The following KIF27 variants were observed in gnomAD, a reference collection of about 807,000 sequenced individuals.
The protein encoded by KIF27 is kinesin-like protein KIF27.
Under a neutral mutation model 141.8 loss-of-function variants are expected in KIF27, and 84 were observed. The ratio of observed to expected loss-of-function variants is 0.59; its 90% confidence interval spans 0.50 to 0.71. The LOEUF (loss-of-function observed/expected upper bound fraction) is 0.71. KIF27 is among the 30% of genes least tolerant of loss of function. The pLI is 0.00. For synonymous variants in KIF27, 471 were observed against 569.5 expected, an observed-to-expected ratio of 0.83 and a Z score of 2.46; for missense variants, 1,306 against 1,628.4, an observed-to-expected ratio of 0.80 and a Z score of 3.41.
intron 3 of KIF27, among the ~76,000 whole-genome samples, 173 bp downstream of exon 3, chr9:83,908,279 A>G (rs866017303): frequency 3.8e-4 from 57 of 151,720 alleles, no homozygotes; most frequent in Non-Finnish European, 5.2e-4. Context: ...AAAAAAAAAA[A>G]AGAGAGAGAG....
At chr9:83,864,714 A>G (rs1950213469) in intron 13 of KIF27, among the ~76,000 whole-genome samples, 1 of 152,180 alleles carries the variant, frequency 6.6e-6, no homozygotes, top group African/African-American at 2.4e-5. Context: ...GCTGAGTTCA[A>G]TTCCTGGATA....
chr9:83,854,882 A>G (rs1213455792), intron 14 of KIF27, among the ~76,000 whole-genome samples: 1 of 152,214 alleles, frequency 6.6e-6, no homozygotes, highest in Non-Finnish European at 1.5e-5. Flanking sequence ...CTTATTGCCT[A>G]GCACAGTACC....
rs1946406946 is a variant in KIF27 at position 83,840,247 on chromosome 9, T to C, written c.3721+1990A>G. ...GATTATAACTGATTTGTTTTCTTCA[T>C]TTTCAGATTTTTCTATAATGACTAT... On this transcript the variant is annotated intron_variant, in intron 17 of 17. Transcript: ENST00000297814. Among the ~76,000 whole-genome samples, 2 of 152,216 alleles carry C rather than the reference T, an allele frequency of 1.3e-5. 1 individual carries two copies. The highest frequency in any genetic ancestry group is 4.1e-4 in the South Asian group (2 of 4,832).
rs1369684323 is a variant in KIF27 at position 83,842,501 on chromosome 9, C to T, written c.3557-100G>A. The stretch of plus-strand genomic sequence containing the variant: ...TTTTTGAGACGGAGTCTCGCACTGT[C>T]GCCCAGGCTAGAGTGCAGTGGCGTG... On this transcript the variant is annotated intron_variant, in intron 16 of 17. Coordinates refer to ENST00000297814, the MANE Select transcript of KIF27 (RefSeq NM_017576.4). 1.8e-5 allele frequency: 25 copies of T among 1,384,154 alleles called. No individual in the cohort carries two copies. The South Asian group carries it at 3.6e-4, about 20-fold the overall frequency. The allele number at this position is 1,384,154 out of a possible 1,614,324, so 85.7% of individuals were successfully genotyped here.
Position 83,915,604 on chromosome 9 carries a change from T to G in KIF27, c.-13A>C. ...GTATTTCTTCCATGGCAACTTAGATTTTACTAAATAGATTTTCTATTTAAT... is the reference window on the plus strand; with the variant it reads ...GTATTTCTTCCATGGCAACTTAGATGTTACTAAATAGATTTTCTATTTAAT... On this transcript the variant is annotated 5_prime_UTR_variant, in exon 2 of 18. Coordinates refer to ENST00000297814, the MANE Select transcript of KIF27 (RefSeq NM_017576.4). 6.3e-7 allele frequency: 1 copy of G among 1,575,270 alleles called. No homozygotes were observed. Among genetic ancestry groups the G allele is most frequent in the Non-Finnish European group, 8.6e-7 (1 of 1,163,092 alleles).
In KIF27 at chr9:83,850,485, T is replaced by G. The variant is rs112451462; in HGVS notation, c.3358-188A>C. On this transcript the variant is annotated intron_variant, in intron 15 of 17. Transcript: ENST00000297814. ...AAAACAACCTAACAGCCTTTTGAAT[T>G]TGTTGGAGTTCAGGCCAGGCACAGT... 6.6e-5 allele frequency among the ~76,000 whole-genome samples: 10 copies of G among 152,196 alleles called. 1 individual carries two copies. The highest frequency in any genetic ancestry group is 2.4e-4 in the African/African-American group (10 of 41,516).
chr9:83,896,694 TTGAA>T (rs1563974894), intron 5 of KIF27, among the ~76,000 whole-genome samples: 2 of 152,330 alleles, frequency 1.3e-5, no homozygotes, highest in African/African-American at 4.8e-5. Flanking sequence ...ACCAACTTGA[TTGAA>T]TCTTTCTATA....
At chr9:83,887,468 C>T (rs1442537619) in intron 8 of KIF27, among the ~76,000 whole-genome samples, 1 of 152,060 alleles carries the variant, frequency 6.6e-6, no homozygotes, top group Non-Finnish European at 1.5e-5. Context: ...TTTTTCATTG[C>T]CTTTAACATG....
In KIF27 at chr9:83,848,323, CT is replaced by C. The variant is rs1163858045; in HGVS notation, c.3556+1775del. On this transcript the variant is annotated intron_variant, in intron 16 of 17. Coordinates refer to ENST00000297814, the MANE Select transcript of KIF27 (RefSeq NM_017576.4). ...ATGATATATATGATATATCATATATCTATATATCTATATATATCTATGTATC... is the reference window on the plus strand; with the variant it reads ...ATGATATATATGATATATCATATATCATATATCTATATATATCTATGTATC... 2.9e-3 allele frequency among the ~76,000 whole-genome samples: 254 copies of C among 86,754 alleles called. 37 individuals carry two copies. Among genetic ancestry groups the C allele is most frequent in the African/African-American group, 0.011 (227 of 20,164 alleles). 56.9% of individuals were successfully genotyped at this position (86,754 alleles called of 152,430 possible). A position where few individuals can be genotyped will look rare whatever the true frequency, so the allele number is the denominator to read the frequency against.
rs554050605 is a variant in KIF27, at chr9:83,872,959, T to C, written c.2644-2327A>G. 3.3e-5 allele frequency among the ~76,000 whole-genome samples: 5 copies of C among 152,308 alleles called. No homozygotes were observed. The East Asian group carries it at 7.7e-4, about 24-fold the overall frequency. On this transcript the variant is annotated intron_variant, in intron 11 of 17. Coordinates refer to ENST00000297814, the MANE Select transcript of KIF27 (RefSeq NM_017576.4). ...GGTACGATTAGGAAAGAGACCCCAG[T>C]TGGACTCCTTGGTCTCAAGTGGCTT... is the stretch of plus-strand genomic sequence containing the variant.
intron 2 of KIF27, among the ~76,000 whole-genome samples, chr9:83,910,396 C>T (rs1032303977): frequency 2.0e-5 from 3 of 152,164 alleles, no homozygotes; most frequent in Non-Finnish European, 4.4e-5. Flanking sequence ...TTATTATGGT[C>T]TGGGTGGAAT....
At chr9:83,902,488 C>T (rs975289326) in intron 4 of KIF27, among the ~76,000 whole-genome samples, 9 of 152,208 alleles carry the variant, frequency 5.9e-5, no homozygotes, top group African/African-American at 2.2e-4. Context: ...ACTCAATACA[C>T]GTACATGTAA....
rs141511666 is a variant in KIF27, at chr9:83,898,271, G to C, written c.1602+1390C>G. ...AAACAAACCACAGTCACACATTACAGATAAAATATTAGAATTTACAGAAAA... is the reference window on the plus strand; with the variant it reads ...AAACAAACCACAGTCACACATTACACATAAAATATTAGAATTTACAGAAAA... On this transcript the variant is annotated intron_variant, in intron 5 of 17. Transcript: ENST00000297814. Among the ~76,000 whole-genome samples, 1,217 of 152,170 alleles carry C rather than the reference G, an allele frequency of 8.0e-3. 32 individuals carry two copies. The highest frequency in any genetic ancestry group is 0.037 in the East Asian group (191 of 5,176).
intron 16 of KIF27, among the ~76,000 whole-genome samples, chr9:83,845,809 T>C (rs1173379108): frequency 1.3e-5 from 2 of 152,220 alleles, no homozygotes; most frequent in Non-Finnish European, 2.9e-5. Flanking sequence ...AGAAGCATGA[T>C]TGGAAAACTG....
At chr9:83,856,539 G>A (rs1239369972) in intron 14 of KIF27, among the ~76,000 whole-genome samples, 23 of 151,888 alleles carry the variant, frequency 1.5e-4, no homozygotes, top group Non-Finnish European at 2.4e-4. Context: ...TCAGGAGATC[G>A]AGACCATCTT....
chr9:83,863,667 T>G (rs1950125764), intron 13 of KIF27: 3 of 152,108 alleles, frequency 2.0e-5, no homozygotes, highest in African/African-American at 4.8e-5. Context: ...CCAGGCTTTG[T>G]TATCAGGATG....
chr9:83,900,774 T>C (rs1953795402), intron 4 of KIF27, among the ~76,000 whole-genome samples: 1 of 151,792 alleles, frequency 6.6e-6, no homozygotes, highest in Non-Finnish European at 1.5e-5. Flanking sequence ...TCACAACTCC[T>C]ATATAAACCA....
chr9:83,910,138 G>T (rs1954999843), intron 2 of KIF27, among the ~76,000 whole-genome samples: 1 of 151,858 alleles, frequency 6.6e-6, no homozygotes, highest in South Asian at 2.1e-4. Context: ...TTAAATACTA[G>T]ATCCAGAGAG....
intron 3 of KIF27, among the ~76,000 whole-genome samples, chr9:83,904,227 T>G (rs1009654974): frequency 1.3e-5 from 2 of 152,240 alleles, no homozygotes; most frequent in Admixed American, 6.5e-5. Flanking sequence ...GCACTTATTT[T>G]GATGTTTATA....
Sources: gnomAD v4.1 joint callset for allele counts (sites outside exome capture counted in the v4.1 genomes callset) on GRCh38, gnomAD v4.1.1 for gene constraint, MANE v1.5 for transcripts, NCBI Gene and HGNC (gene_info 2026-07-23, HGNC 2026-07-21) for gene names.